OR8B2: variants seen among roughly 807,000 people sequenced by gnomAD.
OR8B2 encodes olfactory receptor 8B2.
For missense variants in OR8B2, 304 were observed against 379.6 expected, an observed-to-expected ratio of 0.80 and a Z score of 1.65; for synonymous variants, 98 against 138.2, an observed-to-expected ratio of 0.71 and a Z score of 2.04.
At chr11:124,396,382 A>C in the OR8B2 span, 1 of 1,554,072 alleles carries the variant, frequency 6.4e-7, no homozygotes, top group East Asian at 2.3e-5. Flanking sequence ...AAAGTTCTTC[A>C]ATCGTTTTAC....
At chr11:124,387,243 G>A (rs1477402702), upstream of OR8B2, among the ~76,000 whole-genome samples, 5 of 152,348 alleles carry the variant, frequency 3.3e-5, no homozygotes, top group Non-Finnish European at 7.3e-5. Context: ...CTTTTCTTGT[G>A]CAGAAGCTCT....
upstream of OR8B2, among the ~76,000 whole-genome samples, chr11:124,388,217 T>C (rs574540658): frequency 6.7e-5 from 10 of 148,456 alleles, no homozygotes; most frequent in South Asian, 1.1e-3. Flanking sequence ...AGGGACAATT[T>C]GACTTCCTCT....
At chr11:124,390,553 C>T in the OR8B2 span, among the ~76,000 whole-genome samples, 8 of 152,148 alleles carry the variant, frequency 5.3e-5, no homozygotes, top group East Asian at 7.7e-4. Flanking sequence ...GCTTGAGACC[C>T]GAAAGCTTGC....
the OR8B2 span, chr11:124,396,741 C>A: frequency 6.2e-7 from 1 of 1,613,860 alleles, no homozygotes; most frequent in Non-Finnish European, 8.5e-7. Flanking sequence ...GATATTAATA[C>A]CCACAACAAT....
At chr11:124,395,656 T>C in the OR8B2 span, 1 of 152,176 alleles carries the variant, frequency 6.6e-6, no homozygotes, top group Non-Finnish European at 1.5e-5. Flanking sequence ...CTGTTTTAGA[T>C]AGCAATGAAT....
chr11:124,392,011 C>A, the OR8B2 span, among the ~76,000 whole-genome samples: 3 of 123,058 alleles, frequency 2.4e-5, no homozygotes, highest in African/African-American at 1.1e-4. Context: ...AAGACAAAAA[C>A]CACATGATTA....
Position 124,383,067 on chromosome 11 carries a change from A to C in OR8B2, c.277T>G (p.Ser93Ala). 1.9e-6 allele frequency: 3 copies of C among 1,613,946 alleles called. No homozygotes were observed. The highest frequency in any genetic ancestry group is 8.5e-7 in the Non-Finnish European group (1 of 1,179,866). Reference protein sequence around the residue: ...MNFVSKKNIISNVGCMTRLFF... With the variant: ...MNFVSKKNIIANVGCMTRLFF... ...AGCCGAGTCATGCACCCAACATTGG[A>C]GATAATATTCTTTTTTGACACAAAG... Residue 93 changes from serine to alanine, a missense_variant, in exon 2 of 2, where the codon TCC becomes GCC. Ser to Ala is a moderately conservative substitution (Grantham distance 99, BLOSUM62 1). Coordinates refer to ENST00000641451, the MANE Select transcript of OR8B2 (RefSeq NM_001005468.2).
At chr11:124,383,428 G>C in intron 1 of OR8B2, 68 bp from the exon 2 acceptor site, 1 of 1,330,984 alleles carries the variant, frequency 7.5e-7, no homozygotes, top group Non-Finnish European at 1.0e-6. Flanking sequence ...TTAATGAGGA[G>C]GGGACTCAGG....
chr11:124,395,861 T>C, the OR8B2 span: 1 of 152,622 alleles, frequency 6.6e-6, no homozygotes, highest in Non-Finnish European at 1.5e-5. Flanking sequence ...AATTTTGCCA[T>C]TCTCAAAGGG....
chr11:124,385,525 T>G (rs1019549189), upstream of OR8B2, among the ~76,000 whole-genome samples: 1 of 149,720 alleles, frequency 6.7e-6, no homozygotes, highest in African/African-American at 2.5e-5. Flanking sequence ...TGTGTGTGTC[T>G]GTGTGTGTGT....
chr11:124,386,487 T>G (rs1241157630), upstream of OR8B2, among the ~76,000 whole-genome samples: 4 of 140,594 alleles, frequency 2.8e-5, no homozygotes, highest in African/African-American at 1.1e-4. Context: ...AATTCCCACC[T>G]ATGAGTGAGA....
chr11:124,394,184 A>T, the OR8B2 span, among the ~76,000 whole-genome samples: 1 of 151,658 alleles, frequency 6.6e-6, no homozygotes, highest in Non-Finnish European at 1.5e-5. Flanking sequence ...GCACACCAGC[A>T]TGTCACATGT....
At chr11:124,390,794 A>G in the OR8B2 span, among the ~76,000 whole-genome samples, 1 of 151,940 alleles carries the variant, frequency 6.6e-6, no homozygotes, top group Non-Finnish European at 1.5e-5. Context: ...AGTGCTTTAT[A>G]GAATAATGCT....
At chr11:124,396,368 A>T in the OR8B2 span, 1 of 1,522,642 alleles carries the variant, frequency 6.6e-7, no homozygotes, top group Non-Finnish European at 8.8e-7. Context: ...ACTAATAAAA[A>T]TTTAAAGTTC....
chr11:124,393,783 C>A, the OR8B2 span, among the ~76,000 whole-genome samples: 1 of 151,686 alleles, frequency 6.6e-6, no homozygotes. Context: ...ATAAATCATG[C>A]TGCTATAAAG....
At chr11:124,388,761 C>A (rs1860738728), upstream of OR8B2, among the ~76,000 whole-genome samples, 1 of 152,044 alleles carries the variant, frequency 6.6e-6, no homozygotes, top group African/African-American at 2.4e-5. Context: ...AGAAATATAA[C>A]CCAGGAAATT....
chr11:124,387,248 A>G (rs537642009), upstream of OR8B2, among the ~76,000 whole-genome samples: 56 of 152,112 alleles, frequency 3.7e-4, no homozygotes, highest in African/African-American at 1.2e-3. Flanking sequence ...CTTGTGCAGA[A>G]GCTCTTTAGT....
the OR8B2 span, among the ~76,000 whole-genome samples, chr11:124,393,920 C>T: frequency 6.6e-6 from 1 of 150,814 alleles, no homozygotes; most frequent in Non-Finnish European, 1.5e-5. Flanking sequence ...GAATACTATG[C>T]AGCCATAAAA....
chr11:124,382,489 A>T lies in OR8B2; in HGVS notation c.855T>A (p.Asn285Lys), dbSNP rs1354568349. The T allele has an allele frequency of 2.5e-6, 4 of 1,613,986 alleles. No homozygotes were observed. Among genetic ancestry groups the T allele is most frequent in the Non-Finnish European group, 3.4e-6 (4 of 1,179,966 alleles). The change falls in exon 2 of 2, where the codon AAT (asparagine) becomes AAA (lysine). Residue 285 changes from asparagine to lysine, a missense_variant. Coordinates refer to ENST00000641451, the MANE Select transcript of OR8B2 (RefSeq NM_001005468.2). ...TGTTCCTCAAACTGTAGATGAGGGG[A>T]TTGAGCATGGGCACCACATTAGTGT... is the stretch of plus-strand genomic sequence containing the variant. Reference protein sequence around the residue: ...VFYTNVVPMLNPLIYSLRNKD... With the variant: ...VFYTNVVPMLKPLIYSLRNKD...
Sources: allele counts gnomAD v4.1 joint callset (sites outside exome capture counted in the v4.1 genomes callset), GRCh38; gene constraint gnomAD v4.1.1; transcripts MANE v1.5; gene names NCBI Gene and HGNC (gene_info 2026-07-23, HGNC 2026-07-21).